The following ZNF407 variants were observed in gnomAD, a reference collection of about 807,000 sequenced individuals.
The protein encoded by ZNF407 is zinc finger protein 407.
Under a neutral mutation model 131.2 loss-of-function variants are expected in ZNF407, and 17 were observed. That is an observed-to-expected ratio of 0.13 (90% CI 0.09 to 0.19). The LOEUF (loss-of-function observed/expected upper bound fraction) is 0.19. Among genes scored for constraint, ZNF407 ranks in the 10% least tolerant of loss-of-function variants. The pLI is 1.00. For missense variants in ZNF407, 2,681 were observed against 2,830.6 expected (o/e 0.95, Z 1.20); for synonymous variants, 1,156 against 1,062.0 (o/e 1.09, Z -1.72).
intron 7 of ZNF407, among the ~76,000 whole-genome samples, chr18:74,916,425 G>A: frequency 7.0e-6 from 1 of 143,508 alleles, no homozygotes; most frequent in Non-Finnish European, 1.5e-5. Flanking sequence ...GTGTGTGTGT[G>A]TGTGCATGTG....
intron 1 of ZNF407, among the ~76,000 whole-genome samples, chr18:74,612,057 G>C (rs1404835287): frequency 2.0e-5 from 3 of 152,176 alleles, no homozygotes; most frequent in Non-Finnish European, 2.9e-5. Context: ...ACAGTAGTGA[G>C]ATTGAGTGAA....
At chr18:74,718,876 T>G (rs1301017484) in intron 3 of ZNF407, among the ~76,000 whole-genome samples, 2 of 152,192 alleles carry the variant, frequency 1.3e-5, no homozygotes, top group African/African-American at 2.4e-5. Flanking sequence ...CTTTATGCCT[T>G]TAATTTGCTG....
chr18:75,043,216 G>A (rs957499407), intron 8 of ZNF407, among the ~76,000 whole-genome samples: 3 of 152,100 alleles, frequency 2.0e-5, no homozygotes, highest in African/African-American at 4.8e-5. Context: ...CATTCTAATG[G>A]GTGTGTTGTG....
intron 8 of ZNF407, among the ~76,000 whole-genome samples, chr18:74,977,143 G>C (rs1444598519): frequency 6.6e-6 from 1 of 152,242 alleles, no homozygotes; most frequent in African/African-American, 2.4e-5. Context: ...TGATGGCTTT[G>C]CTGATGGTCT....
chr18:74,973,152 G>GTA (rs58264533), intron 8 of ZNF407, among the ~76,000 whole-genome samples: 34,400 of 151,896 alleles, frequency 0.23, 5,111 homozygotes, highest in African/African-American at 0.41. Flanking sequence ...GTGTGTGTGT[G>GTA]TATAAACATT....
chr18:74,925,824 G>A (rs776355392), intron 8 of ZNF407, among the ~76,000 whole-genome samples: 8 of 152,170 alleles, frequency 5.3e-5, no homozygotes, highest in Non-Finnish European at 1.0e-4. Context: ...AATCCATGCT[G>A]ACTCACTCCT....
intron 4 of ZNF407, chr18:74,804,357 C>A: frequency 1.9e-6 from 2 of 1,047,272 alleles, no homozygotes; most frequent in Non-Finnish European, 2.3e-6. Context: ...ACTGTCCAAT[C>A]AAAGTTTTTG....
intron 3 of ZNF407, among the ~76,000 whole-genome samples, chr18:74,702,387 A>G (rs1412004890): frequency 6.6e-6 from 1 of 152,192 alleles, no homozygotes; most frequent in African/African-American, 2.4e-5. Context: ...TAGCTGAAGA[A>G]TATTGACATT....
At chr18:74,723,241 A>G (rs1240231915) in intron 3 of ZNF407, among the ~76,000 whole-genome samples, 1 of 152,180 alleles carries the variant, frequency 6.6e-6, no homozygotes, top group Admixed American at 6.5e-5. Context: ...TTATAGCATA[A>G]TAGTGGCTCT....
At chr18:74,950,936 G>A (rs571883085) in intron 8 of ZNF407, among the ~76,000 whole-genome samples, 167 of 152,218 alleles carry the variant, frequency 1.1e-3, no homozygotes, top group African/African-American at 3.8e-3. Flanking sequence ...TACTGGGACC[G>A]AATTGATTGT....
intron 8 of ZNF407, among the ~76,000 whole-genome samples, chr18:74,976,480 C>T (rs1385068403): frequency 3.9e-5 from 6 of 152,172 alleles, no homozygotes; most frequent in Non-Finnish European, 1.5e-5. Context: ...GAGCTGGGCC[C>T]TGTTTACAAA....
intron 8 of ZNF407, among the ~76,000 whole-genome samples, chr18:75,005,586 T>G (rs982581298): frequency 3.0e-4 from 46 of 152,154 alleles, no homozygotes; most frequent in African/African-American, 1.0e-3. Flanking sequence ...TTATCACAGC[T>G]TATTTACTTA....
intron 1 of ZNF407, among the ~76,000 whole-genome samples, chr18:74,610,144 C>A (rs1982992247): frequency 6.6e-6 from 1 of 152,174 alleles, no homozygotes; most frequent in African/African-American, 2.4e-5. Flanking sequence ...ATACACAAGC[C>A]ACTCATAAAT....
rs1984800668 is a variant in ZNF407, at chr18:74,643,145, A to T, written c.4802+2023A>T. Reference sequence around the variant, plus strand: ...TAGGTTAAAAATTAAAGTAAAAAACATAAAAAAGTGCAAGGATTGGTTATC... The same window carrying T: ...TAGGTTAAAAATTAAAGTAAAAAACTTAAAAAAGTGCAAGGATTGGTTATC... On this transcript the variant is annotated intron_variant, in intron 3 of 8. Transcript: ENST00000299687. 2.0e-5 allele frequency among the ~76,000 whole-genome samples: 3 copies of T among 152,116 alleles called. No homozygotes were observed. The South Asian group carries it at 6.2e-4, about 31-fold the overall frequency.
At position 74,893,591 on chromosome 18, in the gene ZNF407, G is replaced by A. The variant is rs1014938933; in HGVS notation, c.5249+3553G>A. 4.5e-4 allele frequency among the ~76,000 whole-genome samples: 69 copies of A among 152,256 alleles called. 1 individual carries two copies. The highest frequency in any genetic ancestry group is 1.5e-3 in the African/African-American group (64 of 41,568). The stretch of plus-strand genomic sequence containing the variant: ...TGAAAAAAAGATTTAAAAATGAGCA[G>A]ATAGTTAAGTTTCTAAGGATTGTTT... On this transcript the variant is annotated intron_variant, in intron 7 of 8. Coordinates refer to ENST00000299687, the MANE Select transcript of ZNF407 (RefSeq NM_017757.3).
At chr18:74,916,574 CAT>C (rs1568268389) in intron 7 of ZNF407, among the ~76,000 whole-genome samples, 11 of 41,174 alleles carry the variant, frequency 2.7e-4, no homozygotes, top group African/African-American at 8.7e-4. Flanking sequence ...TGTGTGTGTG[CAT>C]GCATGTGTGT....
chr18:74,923,681 A>T (rs1971875504), intron 8 of ZNF407, among the ~76,000 whole-genome samples: 1 of 152,178 alleles, frequency 6.6e-6, no homozygotes, highest in South Asian at 2.1e-4. Context: ...TATTTTGAAA[A>T]TATATCACTA....
At chr18:74,689,437 C>T (rs1002590734) in intron 3 of ZNF407, among the ~76,000 whole-genome samples, 5 of 152,190 alleles carry the variant, frequency 3.3e-5, no homozygotes, top group Non-Finnish European at 7.4e-5. Flanking sequence ...GCATTGTCAT[C>T]CCCTTGCATT....
intron 3 of ZNF407, among the ~76,000 whole-genome samples, chr18:74,749,047 G>A (rs1250918703): frequency 1.3e-5 from 2 of 152,166 alleles, no homozygotes; most frequent in Non-Finnish European, 2.9e-5. Flanking sequence ...GTGTGAACTG[G>A]CTCCAGCTGT....
Sources: allele counts gnomAD v4.1 joint callset (sites outside exome capture counted in the v4.1 genomes callset), GRCh38; gene constraint gnomAD v4.1.1; transcripts MANE v1.5; gene names NCBI Gene and HGNC (gene_info 2026-07-23, HGNC 2026-07-21).